PDE10A: variants seen among roughly 807,000 people sequenced by gnomAD.
PDE10A encodes the protein cAMP and cAMP-inhibited cGMP 3',5'-cyclic phosphodiesterase 10A.
Under a neutral mutation model 97.7 loss-of-function variants are expected in PDE10A, and 39 were observed. That is an observed-to-expected ratio of 0.40 (90% CI 0.31 to 0.52). The LOEUF is 0.52. PDE10A is among the 20% of genes least tolerant of loss of function. PDE10A has a pLI of 0.56. For synonymous variants in PDE10A, 371 were observed against 376.8 expected (o/e 0.98, Z 0.18); for missense variants, 731 against 1,047.8 (o/e 0.70, Z 4.17).
At chr6:165,861,274 C>T (rs13217352) in intron 1 of PDE10A, among the ~76,000 whole-genome samples, 5,448 of 152,176 alleles carry the variant, frequency 0.036, 113 homozygotes, top group Middle Eastern at 0.054. Context: ...TCTGGGATTG[C>T]CAGGTGCCAG....
intron 1 of PDE10A, among the ~76,000 whole-genome samples, chr6:165,847,573 C>T (rs1366088842): frequency 6.6e-6 from 1 of 152,252 alleles, no homozygotes; most frequent in Non-Finnish European, 1.5e-5. Flanking sequence ...ACGGGGCCAT[C>T]ATCTAAACAA....
At chr6:165,485,467 C>CAAA (rs534131585) in intron 2 of PDE10A, among the ~76,000 whole-genome samples, 2 of 50,270 alleles carry the variant, frequency 4.0e-5, no homozygotes, top group African/African-American at 1.3e-4. Context: ...GACTCTGTCT[C>CAAA]AAAAAAAAAA....
intron 1 of PDE10A, among the ~76,000 whole-genome samples, chr6:165,894,050 A>C (rs533491161): frequency 3.8e-4 from 58 of 152,284 alleles, no homozygotes; most frequent in African/African-American, 1.3e-3. Flanking sequence ...TCCTCCTGGC[A>C]TGTCCATCAA....
chr6:165,493,085 A>G (rs1780320240), intron 2 of PDE10A, among the ~76,000 whole-genome samples: 2 of 152,126 alleles, frequency 1.3e-5, no homozygotes, highest in African/African-American at 4.8e-5. Context: ...CCCCTTTTAT[A>G]ATAGCTGCAA....
chr6:165,789,605 A>G (rs1778592165), intron 1 of PDE10A, among the ~76,000 whole-genome samples: 1 of 152,260 alleles, frequency 6.6e-6, no homozygotes, highest in Admixed American at 6.5e-5. Flanking sequence ...TACTAATTGC[A>G]TGGATTGTTC....
At chr6:165,483,523 T>A (rs1232651871) in intron 2 of PDE10A, among the ~76,000 whole-genome samples, 1 of 152,172 alleles carries the variant, frequency 6.6e-6, no homozygotes, top group Non-Finnish European at 1.5e-5. Flanking sequence ...CAACTCCTAA[T>A]CCTCTCCTAA....
chr6:165,539,752 C>T (rs1339250698), intron 2 of PDE10A, among the ~76,000 whole-genome samples: 1 of 145,226 alleles, frequency 6.9e-6, no homozygotes, highest in Non-Finnish European at 1.5e-5. Flanking sequence ...GAAACTCTGT[C>T]TCTAATAAAA....
intron 1 of PDE10A, among the ~76,000 whole-genome samples, chr6:165,815,917 C>T (rs1369761738): frequency 6.6e-6 from 1 of 151,936 alleles, no homozygotes; most frequent in Non-Finnish European, 1.5e-5. Flanking sequence ...CGATTGTCCC[C>T]TTCTTGCCCC....
chr6:165,898,843 G>A (rs1345031522), intron 1 of PDE10A, among the ~76,000 whole-genome samples: 4 of 152,080 alleles, frequency 2.6e-5, no homozygotes, highest in Non-Finnish European at 1.5e-5. Context: ...TTCCTCACTC[G>A]GCCAAGTGCT....
intron 2 of PDE10A, among the ~76,000 whole-genome samples, chr6:165,541,051 C>T (rs973235660): frequency 1.3e-5 from 2 of 152,196 alleles, no homozygotes; most frequent in South Asian, 2.1e-4. Flanking sequence ...GAACATGAAG[C>T]GATATATGAT....
chr6:165,549,832 C>T (rs1371805573), intron 1 of PDE10A, among the ~76,000 whole-genome samples: 1 of 151,976 alleles, frequency 6.6e-6, no homozygotes, highest in Non-Finnish European at 1.5e-5. Flanking sequence ...AGTTTCAAAT[C>T]GGAGGCTAAA....
intron 1 of PDE10A, among the ~76,000 whole-genome samples, chr6:165,817,198 T>C (rs964575069): frequency 6.6e-6 from 1 of 152,204 alleles, no homozygotes; most frequent in African/African-American, 2.4e-5. Context: ...GCCAGAGCCC[T>C]TTATGTAGAG....
intron 1 of PDE10A, among the ~76,000 whole-genome samples, chr6:165,943,049 C>T (rs1173752821): frequency 6.6e-6 from 1 of 150,788 alleles, no homozygotes; most frequent in Non-Finnish European, 1.5e-5. Context: ...TTAGATAGCC[C>T]TTGTATTAGT....
chr6:165,553,064 T>C (rs1309328247), intron 1 of PDE10A, among the ~76,000 whole-genome samples: 1 of 152,218 alleles, frequency 6.6e-6, no homozygotes, highest in Non-Finnish European at 1.5e-5. Flanking sequence ...ATTCTTTTCT[T>C]TCTCTTACTT....
chr6:165,772,075 A>T (rs1346477609), intron 1 of PDE10A, among the ~76,000 whole-genome samples: 1 of 152,222 alleles, frequency 6.6e-6, no homozygotes, highest in African/African-American at 2.4e-5. Flanking sequence ...TCACCTTAAA[A>T]AATTCGTATT....
intron 1 of PDE10A, among the ~76,000 whole-genome samples, chr6:165,607,716 C>T (rs1297798380): frequency 6.6e-6 from 1 of 152,148 alleles, no homozygotes; most frequent in African/African-American, 2.4e-5. Context: ...AATGTGTCTC[C>T]AAATGAGTTG....
chr6:165,832,581 G>C (rs1050993270), intron 1 of PDE10A, among the ~76,000 whole-genome samples: 6 of 152,162 alleles, frequency 3.9e-5, no homozygotes, highest in African/African-American at 1.4e-4. Flanking sequence ...ACCCAGCTTC[G>C]AGCTCCGCTG....
Position 165,329,053 on chromosome 6 carries a change from AT to A in PDE10A, c.*3971del, listed in dbSNP as rs1690885235. ...ATACTTGCAGTAGAAGAGATCCACT[AT>A]AGTGACTAAATGAATATAGTCTTTA... On this transcript the variant is annotated 3_prime_UTR_variant, in exon 22 of 22. Coordinates refer to ENST00000539869, the MANE Select transcript of PDE10A (RefSeq NM_001385079.1). 6.6e-6 allele frequency: 1 copy of A among 152,264 alleles called. No individual in the cohort carries two copies. Among genetic ancestry groups the A allele is most frequent in the Non-Finnish European group, 1.5e-5 (1 of 68,040 alleles). The allele number at this position is 152,264 out of a possible 1,614,324, so 9.4% of individuals were successfully genotyped here.
intron 1 of PDE10A, among the ~76,000 whole-genome samples, chr6:165,567,883 T>C (rs1784851174): frequency 6.6e-6 from 1 of 152,140 alleles, no homozygotes; most frequent in African/African-American, 2.4e-5. Flanking sequence ...AATCTATTTA[T>C]CTGCTTTGAC....
Sources: allele counts gnomAD v4.1 joint callset (sites outside exome capture counted in the v4.1 genomes callset), GRCh38; gene constraint gnomAD v4.1.1; transcripts MANE v1.5; gene names NCBI Gene and HGNC (gene_info 2026-07-23, HGNC 2026-07-21).